Variants in PRIM2 observed in about 807,000 individuals in gnomAD.
PRIM2 encodes DNA primase large subunit.
In PRIM2, 39 loss-of-function variants were observed where a neutral mutation model predicts 67.3. The observed-to-expected ratio is 0.58, with a 90% CI of 0.45 to 0.76. The LOEUF is 0.76. Ranked by LOEUF, PRIM2 falls within the 30% of genes least tolerant of loss-of-function variation. The pLI is 0.00. For synonymous variants in PRIM2, 143 were observed against 198.7 expected (o/e 0.72, Z 2.36); for missense variants, 398 against 598.7 (o/e 0.66, Z 3.50).
intron 7 of PRIM2, among the ~76,000 whole-genome samples, chr6:57,402,991 A>G (rs529203110): frequency 6.6e-6 from 1 of 152,228 alleles, no homozygotes; most frequent in Non-Finnish European, 1.5e-5. Context: ...GTTTTTCTCC[A>G]TATGTATATG....
chr6:57,237,611 T>C, the PRIM2 span, among the ~76,000 whole-genome samples: 8 of 152,188 alleles, frequency 5.3e-5, no homozygotes, highest in Admixed American at 6.5e-5. Context: ...AAGGAAGGGA[T>C]CCAGTTTCAG....
At chr6:57,536,096 A>T (rs1370772439) in intron 9 of PRIM2, among the ~76,000 whole-genome samples, 1 of 152,218 alleles carries the variant, frequency 6.6e-6, no homozygotes, top group Non-Finnish European at 1.5e-5. Flanking sequence ...TGAATGAACT[A>T]GACTGGGGAT....
intron 8 of PRIM2, among the ~76,000 whole-genome samples, chr6:57,529,166 C>T (rs1375380767): frequency 4.6e-5 from 7 of 152,150 alleles, no homozygotes; most frequent in South Asian, 2.1e-4. Context: ...AAAAATTAGC[C>T]GGTCGTGGTG....
At chr6:57,273,110 G>T in the PRIM2 span, among the ~76,000 whole-genome samples, 1 of 152,208 alleles carries the variant, frequency 6.6e-6, no homozygotes, top group South Asian at 2.1e-4. Context: ...GTGTCTTGGA[G>T]TTGCTCTTCT....
intron 7 of PRIM2, among the ~76,000 whole-genome samples, chr6:57,418,880 C>T (rs1771370539): frequency 6.6e-6 from 1 of 152,078 alleles, no homozygotes; most frequent in Non-Finnish European, 1.5e-5. Context: ...TTGCTACTCA[C>T]ATTTCATTGT....
intron 8 of PRIM2, among the ~76,000 whole-genome samples, chr6:57,507,851 ATAAAGT>A: frequency 1.5e-5 from 1 of 68,870 alleles, no homozygotes; most frequent in East Asian, 6.5e-4. Flanking sequence ...TATTTAAAAA[ATAAAGT>A]TAGAAAATAC....
At chr6:57,586,313 T>C (rs1377947463) in intron 10 of PRIM2, among the ~76,000 whole-genome samples, 1 of 152,000 alleles carries the variant, frequency 6.6e-6, no homozygotes, top group Non-Finnish European at 1.5e-5. Context: ...ATTTCGATGA[T>C]TGAGAAAGGA....
chr6:57,330,348 G>GTTTTTTTTTTTTTTTT (rs1238317111), intron 5 of PRIM2, among the ~76,000 whole-genome samples: 36 of 87,746 alleles, frequency 4.1e-4, no homozygotes, highest in African/African-American at 6.5e-4. Flanking sequence ...TGCTGAACTT[G>GTTTTTTTTTTTTTTTT]TTTTTTTTTT....
intron 5 of PRIM2, among the ~76,000 whole-genome samples, chr6:57,357,230 C>T (rs1769059136): frequency 6.6e-6 from 1 of 152,276 alleles, no homozygotes; most frequent in South Asian, 2.1e-4. Flanking sequence ...CCGTGCCGGC[C>T]TATCCAATCC....
chr6:57,475,378 C>T (rs1473512986), intron 7 of PRIM2, among the ~76,000 whole-genome samples: 1 of 152,150 alleles, frequency 6.6e-6, no homozygotes, highest in African/African-American at 2.4e-5. Flanking sequence ...CCCATCCTCC[C>T]AGACCTAGAC....
the PRIM2 span, among the ~76,000 whole-genome samples, chr6:57,271,756 T>G: frequency 0.019 from 2,906 of 152,332 alleles, 104 homozygotes; most frequent in African/African-American, 0.065. Context: ...CTTTCTCTTG[T>G]GGGCATTTAG....
intron 8 of PRIM2, among the ~76,000 whole-genome samples, 197 bp downstream of exon 8, chr6:57,507,651 C>G (rs1393502027): frequency 2.6e-5 from 4 of 151,934 alleles, no homozygotes; most frequent in African/African-American, 7.3e-5. Flanking sequence ...GTAGAAAGCT[C>G]TTTTAATTCA....
chr6:57,299,309 C>G, the PRIM2 span, among the ~76,000 whole-genome samples: 1 of 152,098 alleles, frequency 6.6e-6, no homozygotes, highest in African/African-American at 2.4e-5. Flanking sequence ...AATCTCCTTA[C>G]TATACCATTT....
At chr6:57,494,459 GA>G (rs1423222159) in intron 7 of PRIM2, among the ~76,000 whole-genome samples, 1 of 152,106 alleles carries the variant, frequency 6.6e-6, no homozygotes, top group African/African-American at 2.4e-5. Context: ...CAAAGAATAA[GA>G]AAAATATCTA....
intron 5 of PRIM2, among the ~76,000 whole-genome samples, chr6:57,368,978 G>A (rs1023235588): frequency 6.6e-6 from 1 of 152,176 alleles, no homozygotes; most frequent in African/African-American, 2.4e-5. Context: ...GGCAAAAGGA[G>A]GAGAGAACTG....
chr6:57,389,200 G>C (rs1028974788), intron 7 of PRIM2, among the ~76,000 whole-genome samples: 103 of 152,278 alleles, frequency 6.8e-4, no homozygotes, highest in African/African-American at 2.4e-3. Context: ...GACCTCCCAG[G>C]CTCAAGCAGT....
At chr6:57,365,827 C>T (rs148064184) in intron 5 of PRIM2, among the ~76,000 whole-genome samples, 11 of 151,886 alleles carry the variant, frequency 7.2e-5, no homozygotes, top group South Asian at 2.1e-4. Context: ...GGCATGGTGG[C>T]GCGTTAGCAC....
intron 7 of PRIM2, among the ~76,000 whole-genome samples, chr6:57,417,531 A>G (rs566466063): frequency 6.6e-6 from 1 of 152,312 alleles, no homozygotes; most frequent in Non-Finnish European, 1.5e-5. Flanking sequence ...TTCTCAGAGA[A>G]TAGGGAAGCT....
chr6:57,616,288 T>A (rs1776755813), intron 12 of PRIM2, among the ~76,000 whole-genome samples: 1 of 152,188 alleles, frequency 6.6e-6, no homozygotes, highest in South Asian at 2.1e-4. Context: ...TTATCCCTAT[T>A]TTACAGATGA....
Sources: gnomAD v4.1 joint callset for allele counts (sites outside exome capture counted in the v4.1 genomes callset) on GRCh38, gnomAD v4.1.1 for gene constraint, MANE v1.5 for transcripts, NCBI Gene and HGNC (gene_info 2026-07-23, HGNC 2026-07-21) for gene names.